Variants in MYO16 observed in about 807,000 individuals in gnomAD.
MYO16 encodes unconventional myosin-XVI.
MYO16 carries 94 observed loss-of-function variants against 205.3 expected under a neutral mutation model. The ratio of observed to expected loss-of-function variants is 0.46; its 90% CI spans 0.39 to 0.54. MYO16 has a LOEUF of 0.54. Ranked by LOEUF, MYO16 falls within the 20% of genes least tolerant of loss-of-function variation. MYO16 has a pLI of 0.00. For synonymous variants in MYO16, 988 were observed against 954.0 expected, an observed-to-expected ratio of 1.04 and a Z score of -0.66; for missense variants, 2,315 against 2,387.5, an observed-to-expected ratio of 0.97 and a Z score of 0.63.
rs369356863 is a variant in MYO16, at chr13:108,817,094, A to T, written c.868-3243A>T. 9.7e-4 allele frequency among the ~76,000 whole-genome samples: 141 copies of T among 145,362 alleles called. 1 individual carries two copies. Among genetic ancestry groups the T allele is most frequent in the African/African-American group, 3.5e-3 (130 of 37,152 alleles). Reference sequence around the variant, plus strand: ...ATGTGGCAAAATTGCCAGTGAGGATAAAAAAAAAATAGTAAAACCACTTGG... The same window carrying T: ...ATGTGGCAAAATTGCCAGTGAGGATTAAAAAAAAATAGTAAAACCACTTGG... On this transcript the variant is annotated intron_variant, in intron 7 of 34. Transcript: ENST00000457511.
intron 1 of MYO16, among the ~76,000 whole-genome samples, chr13:108,649,782 G>C (rs1880918249): frequency 6.6e-6 from 1 of 152,108 alleles, no homozygotes; most frequent in African/African-American, 2.4e-5. Flanking sequence ...CAATGAGGAG[G>C]GTTCTTATGT....
chr13:108,642,581 C>A (rs997072995), intron 1 of MYO16, among the ~76,000 whole-genome samples: 1 of 152,060 alleles, frequency 6.6e-6, no homozygotes, highest in Non-Finnish European at 1.5e-5. Context: ...CCACGCCCAG[C>A]TAATTTTTGT....
chr13:108,687,102 G>A (rs1385071142), intron 2 of MYO16, among the ~76,000 whole-genome samples: 1 of 152,170 alleles, frequency 6.6e-6, no homozygotes, highest in Admixed American at 6.5e-5. Context: ...CAGATAACAA[G>A]GATTCACATA....
At chr13:108,694,467 T>G (rs1480152193) in intron 2 of MYO16, among the ~76,000 whole-genome samples, 1 of 152,206 alleles carries the variant, frequency 6.6e-6, no homozygotes, top group African/African-American at 2.4e-5. Flanking sequence ...AAAATTTATT[T>G]ATTATAATCA....
intron 28 of MYO16, among the ~76,000 whole-genome samples, chr13:109,110,778 A>T (rs1889261019): frequency 1.3e-5 from 2 of 152,196 alleles, no homozygotes; most frequent in South Asian, 4.1e-4. Context: ...CATTCTTAGA[A>T]ATTTAACGAA....
chr13:108,991,233 A>G (rs1453880707), intron 20 of MYO16, among the ~76,000 whole-genome samples: 1 of 152,106 alleles, frequency 6.6e-6, no homozygotes, highest in Non-Finnish European at 1.5e-5. Flanking sequence ...TCTTCACCTG[A>G]TCACCATTGC....
chr13:108,987,046 G>A (rs1450077617), intron 20 of MYO16, among the ~76,000 whole-genome samples: 1 of 152,208 alleles, frequency 6.6e-6, no homozygotes, highest in Non-Finnish European at 1.5e-5. Context: ...CGGGACTCCA[G>A]TGTTGACCTA....
intron 9 of MYO16, among the ~76,000 whole-genome samples, chr13:108,838,928 G>A (rs74530736): frequency 6.6e-6 from 1 of 151,938 alleles, no homozygotes; most frequent in African/African-American, 2.4e-5. Flanking sequence ...AAGGAAGAAG[G>A]TCTCTTTGGA....
chr13:108,499,843 T>A, the MYO16 span, among the ~76,000 whole-genome samples: 2 of 152,198 alleles, frequency 1.3e-5, no homozygotes, highest in African/African-American at 2.4e-5. Flanking sequence ...GTGATGTGCT[T>A]ATTTCTGTGG....
upstream of MYO16, among the ~76,000 whole-genome samples, chr13:108,624,909 T>G (rs907403200): frequency 7.2e-5 from 11 of 152,114 alleles, no homozygotes; most frequent in Non-Finnish European, 1.3e-4. Context: ...TAATTTTCAG[T>G]CTTTTTGAAG....
At chr13:108,949,821 A>C (rs1280355968) in intron 16 of MYO16, among the ~76,000 whole-genome samples, 1 of 150,208 alleles carries the variant, frequency 6.7e-6, no homozygotes, top group African/African-American at 2.5e-5. Context: ...GTAGACAGAC[A>C]GACACAAAGA....
intron 27 of MYO16, among the ~76,000 whole-genome samples, chr13:109,099,967 G>T (rs931450831): frequency 6.6e-5 from 10 of 152,106 alleles, no homozygotes; most frequent in African/African-American, 2.4e-4. Flanking sequence ...CGTTTCCTTC[G>T]GCTTGCGGAA....
the MYO16 span, among the ~76,000 whole-genome samples, chr13:108,570,918 G>T: frequency 1.3e-5 from 2 of 151,854 alleles, no homozygotes; most frequent in Non-Finnish European, 2.9e-5. Flanking sequence ...ACATCTCTTG[G>T]GTCTATTAGG....
At chr13:108,627,889 G>T (rs1879806483), upstream of MYO16, among the ~76,000 whole-genome samples, 1 of 152,062 alleles carries the variant, frequency 6.6e-6, no homozygotes, top group Non-Finnish European at 1.5e-5. Context: ...TTTAAGGAAG[G>T]TATATAGGCA....
intron 22 of MYO16, among the ~76,000 whole-genome samples, chr13:109,015,250 G>C (rs1035496716): frequency 1.5e-4 from 23 of 152,272 alleles, no homozygotes; most frequent in African/African-American, 5.5e-4. Context: ...CTCTGTTTAT[G>C]TGATGGATTA....
chr13:108,735,801 C>A (rs1884676942), intron 4 of MYO16, among the ~76,000 whole-genome samples: 1 of 151,566 alleles, frequency 6.6e-6, no homozygotes, highest in South Asian at 2.1e-4. Context: ...CTCTCCAGCA[C>A]CTGTTGTTTC....
intron 1 of MYO16, among the ~76,000 whole-genome samples, chr13:108,624,227 GTA>G (rs1435308434): frequency 2.6e-5 from 4 of 152,174 alleles, no homozygotes; most frequent in Non-Finnish European, 4.4e-5. Flanking sequence ...AATGACAAAT[GTA>G]TAGAGATCTG....
intron 9 of MYO16, among the ~76,000 whole-genome samples, chr13:108,839,957 C>T (rs1877148778): frequency 6.6e-6 from 1 of 152,070 alleles, no homozygotes; most frequent in African/African-American, 2.4e-5. Context: ...TTATTCCCTG[C>T]TTATGGCCAT....
chr13:108,761,276 C>T (rs984911287), intron 4 of MYO16, among the ~76,000 whole-genome samples: 7 of 152,024 alleles, frequency 4.6e-5, no homozygotes, highest in South Asian at 4.2e-4. Context: ...TACAGAGATG[C>T]GGCAGTGCTC....
Sources: allele counts gnomAD v4.1 joint callset (sites outside exome capture counted in the v4.1 genomes callset), GRCh38; gene constraint gnomAD v4.1.1; transcripts MANE v1.5; gene names NCBI Gene and HGNC (gene_info 2026-07-23, HGNC 2026-07-21).